Variants in MAU2 observed in about 807,000 individuals in gnomAD.
MAU2 encodes the protein MAU2 chromatid cohesion factor homolog.
Under a neutral mutation model 89.1 loss-of-function variants are expected in MAU2, and 9 were observed. The observed-to-expected ratio is 0.10, with a 90% CI of 0.06 to 0.18. The LOEUF (loss-of-function observed/expected upper bound fraction) is 0.18. MAU2 is among the 10% of genes least tolerant of loss of function. MAU2 has a pLI of 1.00. For synonymous variants in MAU2, 357 were observed against 343.4 expected (o/e 1.04, Z -0.44); for missense variants, 425 against 803.5 (o/e 0.53, Z 5.69).
At chr19:19,348,748 T>C in intron 13 of MAU2, 141 bp from the exon 14 acceptor site, 1 of 900,760 alleles carries the variant, frequency 1.1e-6, no homozygotes, top group Admixed American at 1.9e-5. Context: ...GAGGCTGCTC[T>C]TGCTGGTCAG....
Position 19,355,818 on chromosome 19 carries a change from C to G in MAU2, c.*36C>G, listed in dbSNP as rs779746623. The G allele has an allele frequency of 6.3e-7, 1 of 1,576,874 alleles. No individual in the cohort carries two copies. The highest frequency in any genetic ancestry group is 8.6e-7 in the Non-Finnish European group (1 of 1,158,352). On this transcript the variant is annotated 3_prime_UTR_variant, in exon 19 of 19. Coordinates refer to ENST00000262815, the MANE Select transcript of MAU2 (RefSeq NM_015329.4). ...GGGCCATCCAGCTCCGCAGGGCCTG[C>G]GCGTCTCCGGCTTCCACCCAGACGG...
chr19:19,355,123 C>G, intron 17 of MAU2, 141 bp from the exon 18 acceptor site: 1 of 1,088,180 alleles, frequency 9.2e-7, no homozygotes, highest in South Asian at 1.5e-5. Context: ...CAAGACAGGG[C>G]TCAGGTCCAG....
chr19:19,354,193 T>A, intron 16 of MAU2, 162 bp from the exon 17 acceptor site: 2 of 639,136 alleles, frequency 3.1e-6, no homozygotes, highest in Non-Finnish European at 5.7e-6. Flanking sequence ...CCATTTGAGA[T>A]GGGCTCTGAG....
chr19:19,351,571 T>C (rs890061215), intron 16 of MAU2, among the ~76,000 whole-genome samples: 1 of 151,814 alleles, frequency 6.6e-6, no homozygotes, highest in Admixed American at 6.6e-5. Context: ...TCCCAGCTAA[T>C]TGGGAGGCTG....
At chr19:19,354,494 C>G (rs765830890) in intron 17 of MAU2, 49 bp downstream of exon 17, 4 of 1,526,388 alleles carry the variant, frequency 2.6e-6, no homozygotes, top group African/African-American at 1.4e-5. Context: ...TGGCCCTCCC[C>G]AGAGATCAAG....
intron 1 of MAU2, among the ~76,000 whole-genome samples, chr19:19,328,711 G>A (rs1477783776): frequency 6.6e-6 from 1 of 152,134 alleles, no homozygotes; most frequent in Non-Finnish European, 1.5e-5. Flanking sequence ...GTGAGCCACC[G>A]CGCCCAGCCA....
At chr19:19,333,866 G>A (rs1370955431) in intron 1 of MAU2, among the ~76,000 whole-genome samples, 1 of 152,208 alleles carries the variant, frequency 6.6e-6, no homozygotes, top group Admixed American at 6.5e-5. Context: ...TGGGGCTGCT[G>A]CTTGTGTGTG....
intron 3 of MAU2, 55 bp from the exon 4 acceptor site, chr19:19,337,115 T>C: frequency 7.6e-7 from 1 of 1,314,612 alleles, no homozygotes; most frequent in Non-Finnish European, 1.1e-6. Context: ...CCAGCTTGAT[T>C]GCCGCCTTGT....
intron 1 of MAU2, among the ~76,000 whole-genome samples, chr19:19,326,691 A>G (rs12972691): frequency 9.1e-6 from 1 of 109,448 alleles, no homozygotes; most frequent in African/African-American, 3.1e-5. Flanking sequence ...CTCAAAAAAA[A>G]ATATATATAT....
chr19:19,321,648 T>C (rs2061458197), intron 1 of MAU2: 1 of 152,696 alleles, frequency 6.5e-6, no homozygotes, highest in Admixed American at 6.5e-5. Flanking sequence ...ATGATTCTCC[T>C]TGGACACAGA....
At chr19:19,331,620 G>A (rs1472148884) in intron 1 of MAU2, among the ~76,000 whole-genome samples, 1 of 152,004 alleles carries the variant, frequency 6.6e-6, no homozygotes, top group East Asian at 1.9e-4. Context: ...TCATACAGAG[G>A]GCTGGGTGAG....
chr19:19,320,970 C>T lies in MAU2; in HGVS notation c.111C>T (p.Arg37=), dbSNP rs1161640445. 2 of 1,602,840 alleles carry T rather than the reference C, an allele frequency of 1.2e-6. No homozygotes were observed. The highest frequency in any genetic ancestry group is 2.2e-5 in the South Asian group (2 of 89,360). ...TTCTGGGCTTCGCTGAGCACTTCCG[C>T]ACTTCCAGCCCGCCCAAAATCCGCC... is the stretch of plus-strand genomic sequence containing the variant. ...LALLGFAEHF[R]TSSPPKIRLC... Residue 37 remains arginine (R), a synonymous_variant, in exon 1 of 19, where the codon CGC becomes CGT. Coordinates refer to ENST00000262815, the MANE Select transcript of MAU2 (RefSeq NM_015329.4).
intron 1 of MAU2, chr19:19,321,662 T>C (rs998302124): frequency 2.6e-5 from 4 of 152,368 alleles, no homozygotes; most frequent in Admixed American, 2.6e-4. Context: ...ACACAGAAGT[T>C]TGGTAATCGT....
intron 7 of MAU2, among the ~76,000 whole-genome samples, chr19:19,342,248 A>G (rs1343483896): frequency 6.6e-6 from 1 of 152,162 alleles, no homozygotes; most frequent in African/African-American, 2.4e-5. Flanking sequence ...GACCAAGTGC[A>G]GCTCCAGCAG....
intron 1 of MAU2, among the ~76,000 whole-genome samples, chr19:19,328,423 C>CTT (rs576082599): frequency 1.1e-4 from 16 of 140,428 alleles, no homozygotes; most frequent in South Asian, 2.3e-4. Context: ...TCCCCCTTAA[C>CTT]TTTTTTTTTT....
rs2061639371 is a variant in MAU2 at position 19,340,891 on chromosome 19, A to G, written c.579+18A>G. The G allele has an allele frequency of 6.2e-7, 1 of 1,612,842 alleles. No homozygotes were observed. Among genetic ancestry groups the G allele is most frequent in the Admixed American group, 1.7e-5 (1 of 59,980 alleles). On this transcript the variant is annotated intron_variant, in intron 6 of 18. Coordinates refer to ENST00000262815, the MANE Select transcript of MAU2 (RefSeq NM_015329.4). ...AGGGGATGGTAAGTTGAGGCTGGGC[A>G]TGGCTGGATGCAGCTGGTGTTGTGG...
chr19:19,344,113 A>G, intron 10 of MAU2, 173 bp downstream of exon 10: 1 of 597,586 alleles, frequency 1.7e-6, no homozygotes, highest in Non-Finnish European at 3.0e-6. Flanking sequence ...AGAGAATCTC[A>G]TACAAAAACC....
Position 19,337,404 on chromosome 19 carries a change from G to T in MAU2, c.456+139G>T, listed in dbSNP as rs1255050834. ...GGCACATGGAGTAGGTGGGGACATG[G>T]GAACATTTCCTTAACCTGCACACAA... is the stretch of plus-strand genomic sequence containing the variant. On this transcript the variant is annotated intron_variant, in intron 4 of 18. Coordinates refer to ENST00000262815, the MANE Select transcript of MAU2 (RefSeq NM_015329.4). 10 of 659,864 alleles carry T rather than the reference G, an allele frequency of 1.5e-5. No individual in the cohort carries two copies. In the East Asian group the frequency reaches 1.9e-4, roughly 13 times the overall value. The allele number at this position is 659,864 out of a possible 1,614,324, so 40.9% of individuals were successfully genotyped here.
chr19:19,326,721 C>CATAT (rs35247410), intron 1 of MAU2, among the ~76,000 whole-genome samples: 1,467 of 80,948 alleles, frequency 0.018, 83 homozygotes, highest in Middle Eastern at 0.032. Flanking sequence ...TATATATATA[C>CATAT]ATATATATAT....
Sources: allele counts gnomAD v4.1 joint callset (sites outside exome capture counted in the v4.1 genomes callset), GRCh38; gene constraint gnomAD v4.1.1; transcripts MANE v1.5; gene names NCBI Gene and HGNC (gene_info 2026-07-23, HGNC 2026-07-21).